Variants in ATP2B2 observed in about 807,000 individuals in gnomAD.
ATP2B2 encodes the protein ATPase plasma membrane Ca2+ transporting 2.
ATP2B2 carries 15 observed loss-of-function variants against 120.0 expected under a neutral mutation model. The observed-to-expected ratio is 0.12, with a 90% CI of 0.08 to 0.19. The LOEUF (loss-of-function observed/expected upper bound fraction) is 0.19. Ranked by LOEUF, ATP2B2 falls within the 10% of genes least tolerant of loss-of-function variation. The pLI, the probability that ATP2B2 is intolerant of heterozygous loss-of-function variation, is 1.00. For missense variants in ATP2B2, 1,045 were observed against 1,719.8 expected (o/e 0.61, Z 6.94); for synonymous variants, 694 against 700.3 (o/e 0.99, Z 0.14).
At chr3:10,397,020 T>C (rs2062061069) in intron 5 of ATP2B2, among the ~76,000 whole-genome samples, 1 of 152,194 alleles carries the variant, frequency 6.6e-6, no homozygotes, top group South Asian at 2.1e-4. Flanking sequence ...CATCATATCA[T>C]GAATGACACT....
At chr3:10,338,526 CTTTT>C (rs34558372) in intron 21 of ATP2B2, among the ~76,000 whole-genome samples, 168 bp from the exon 22 acceptor site, 3 of 88,452 alleles carry the variant, frequency 3.4e-5, no homozygotes, top group Non-Finnish European at 6.3e-5. Flanking sequence ...TTGACAATGT[CTTTT>C]TTTTTTTTTT....
chr3:10,467,080 A>T (rs987532452), intron 1 of ATP2B2, among the ~76,000 whole-genome samples: 2 of 152,094 alleles, frequency 1.3e-5, no homozygotes, highest in African/African-American at 4.8e-5. Flanking sequence ...CTTCTAAGAG[A>T]CTTCTACATG....
chr3:10,699,731 T>C (rs1376413227), intron 1 of ATP2B2, among the ~76,000 whole-genome samples: 2 of 152,180 alleles, frequency 1.3e-5, no homozygotes, highest in Non-Finnish European at 2.9e-5. Context: ...ATGGGGCCTC[T>C]GACCTCATGA....
chr3:10,699,835 G>A (rs754460072), intron 1 of ATP2B2, among the ~76,000 whole-genome samples: 10 of 151,992 alleles, frequency 6.6e-5, no homozygotes, highest in East Asian at 1.9e-4. Flanking sequence ...TGTCCTTCAC[G>A]CTTGCCTTTC....
At chr3:10,650,493 A>G (rs1056311299) in intron 1 of ATP2B2, among the ~76,000 whole-genome samples, 21 of 152,262 alleles carry the variant, frequency 1.4e-4, no homozygotes, top group African/African-American at 4.8e-4. Flanking sequence ...TCAGCCTGAC[A>G]ATGTGATAGA....
chr3:10,482,054 C>A (rs1038600674), intron 1 of ATP2B2, among the ~76,000 whole-genome samples: 3 of 144,722 alleles, frequency 2.1e-5, no homozygotes, highest in Non-Finnish European at 4.7e-5. Context: ...CCCAGACAAA[C>A]CTGGACACGT....
At chr3:10,389,760 T>C (rs1575094406) in intron 5 of ATP2B2, among the ~76,000 whole-genome samples, 3 of 152,196 alleles carry the variant, frequency 2.0e-5, no homozygotes, top group Admixed American at 1.3e-4. Context: ...GTAAATTCTA[T>C]GTTATGTGTA....
intron 1 of ATP2B2, among the ~76,000 whole-genome samples, chr3:10,647,940 C>A (rs7355964): frequency 0.3 from 46,306 of 152,108 alleles, 10,492 homozygotes; most frequent in African/African-American, 0.63. Flanking sequence ...CAATGGTCTT[C>A]ATCTTCTGAT....
intron 5 of ATP2B2, among the ~76,000 whole-genome samples, chr3:10,392,444 AC>A (rs200554190): frequency 0.011 from 1,731 of 152,284 alleles, 39 homozygotes; most frequent in African/African-American, 0.039. Context: ...CTTCAGCTCC[AC>A]GAGTCCCCTG....
chr3:10,379,241 A>T lies in ATP2B2; in HGVS notation c.1042+2T>A. 6.2e-7 allele frequency: 1 copy of T among 1,614,018 alleles called. No individual in the cohort carries two copies. Among genetic ancestry groups the T allele is most frequent in the Non-Finnish European group, 8.5e-7 (1 of 1,179,952 alleles). On this transcript the variant is annotated splice_donor_variant, in intron 9 of 22. Transcript: ENST00000360273. LOFTEE classifies it high-confidence loss of function. ...AAACGCCGGTTAAAACAAAAGGGTT[A>T]CCTTTGCTCTGGCTGGCGTCCACAT...
chr3:10,441,277 CAG>C (rs761694851), intron 2 of ATP2B2, among the ~76,000 whole-genome samples: 9 of 152,062 alleles, frequency 5.9e-5, no homozygotes, highest in Non-Finnish European at 1.3e-4. Flanking sequence ...TTTTTTGAGA[CAG>C]AGTCTCACTC....
At chr3:10,471,140 C>A (rs371512617) in intron 1 of ATP2B2, among the ~76,000 whole-genome samples, 10 of 152,200 alleles carry the variant, frequency 6.6e-5, no homozygotes, top group Admixed American at 2.0e-4. Flanking sequence ...AGCACAGCAG[C>A]CACACGCAGC....
intron 1 of ATP2B2, among the ~76,000 whole-genome samples, chr3:10,639,693 C>G (rs1481733131): frequency 6.6e-6 from 1 of 152,216 alleles, no homozygotes; most frequent in Non-Finnish European, 1.5e-5. Flanking sequence ...GTTGCCACAC[C>G]TAGGCCTGAA....
chr3:10,618,979 G>C (rs866121301), intron 2 of ATP2B2, among the ~76,000 whole-genome samples: 2 of 152,102 alleles, frequency 1.3e-5, no homozygotes, highest in Admixed American at 1.3e-4. Flanking sequence ...GGGGTGTTGG[G>C]TGGGGCAGGC....
At chr3:10,642,550 G>A (rs550753033) in intron 1 of ATP2B2, among the ~76,000 whole-genome samples, 2 of 152,236 alleles carry the variant, frequency 1.3e-5, no homozygotes, top group African/African-American at 4.8e-5. Context: ...TACACACAAT[G>A]TCTGGCCTGT....
At position 10,565,387 on chromosome 3, in the gene ATP2B2, C is replaced by T. The variant is rs984125454; in HGVS notation, c.-414-31254G>A. ...GTGATTTCTGCTGTTCCCCATCTCT[C>T]GCGTGGGCTTAGTCACCAGGTCCTG... On this transcript the variant is annotated intron_variant, in intron 2 of 21. Transcript: ENST00000646379. Among the ~76,000 whole-genome samples the T allele has an allele frequency of 4.6e-5, 7 of 152,266 alleles. 1 individual carries two copies. The highest frequency in any genetic ancestry group is 3.9e-4 in the Admixed American group (6 of 15,294).
At chr3:10,421,886 T>G (rs1209225905) in intron 2 of ATP2B2, among the ~76,000 whole-genome samples, 1 of 152,156 alleles carries the variant, frequency 6.6e-6, no homozygotes, top group Admixed American at 6.5e-5. Flanking sequence ...CAGAAGAACA[T>G]TTACTATCAC....
intron 1 of ATP2B2, among the ~76,000 whole-genome samples, chr3:10,653,797 A>G (rs2070533126): frequency 6.6e-6 from 1 of 152,086 alleles, no homozygotes; most frequent in African/African-American, 2.4e-5. Context: ...ATAGCCTACG[A>G]TATCCTCCAC....
chr3:10,447,358 G>A (rs760930440), intron 2 of ATP2B2, among the ~76,000 whole-genome samples: 4 of 152,230 alleles, frequency 2.6e-5, no homozygotes, highest in Non-Finnish European at 5.9e-5. Flanking sequence ...GCTGGAACTT[G>A]GCCGTGAGCT....
Sources: allele counts gnomAD v4.1 joint callset (sites outside exome capture counted in the v4.1 genomes callset), GRCh38; gene constraint gnomAD v4.1.1; transcripts MANE v1.5; gene names NCBI Gene and HGNC (gene_info 2026-07-23, HGNC 2026-07-21).